DTWD2: variants seen among roughly 807,000 people sequenced by gnomAD.
DTWD2 encodes DTW motif tRNA-uridine aminocarboxypropyltransferase 2.
Under a neutral mutation model 31.8 loss-of-function variants are expected in DTWD2, and 39 were observed. The observed-to-expected ratio is 1.22, with a 90% confidence interval of 0.95 to 1.60. DTWD2 has a LOEUF of 1.60. DTWD2 is among the 40% of genes most tolerant of loss of function. The pLI, the probability that DTWD2 is intolerant of heterozygous loss-of-function variation, is 0.00. For synonymous variants in DTWD2, 180 were observed against 142.8 expected (o/e 1.26, Z -1.86); for missense variants, 515 against 381.5 (o/e 1.35, Z -2.92).
chr5:118,931,354 G>A (rs1307245801), intron 3 of DTWD2, among the ~76,000 whole-genome samples: 1 of 146,058 alleles, frequency 6.8e-6, no homozygotes, highest in African/African-American at 2.6e-5. Context: ...AACCATGATT[G>A]TGCCACTACA....
chr5:118,898,490 G>A (rs1420788706), intron 4 of DTWD2, among the ~76,000 whole-genome samples: 5 of 149,904 alleles, frequency 3.3e-5, no homozygotes, highest in African/African-American at 4.9e-5. Flanking sequence ...AAACCCCGTC[G>A]CTACTGAAAA....
rs767244482 is a variant in DTWD2, at chr5:118,988,512, G to A, written c.-1C>T. On this transcript the variant is annotated 5_prime_UTR_variant, in exon 1 of 6. Transcript: ENST00000510708. ...TTCGTGCCTCTTTCTGCGACTCCATGGCGGACACTCCGGTCAGGCCGTGGC... is the reference window on the plus strand; with the variant it reads ...TTCGTGCCTCTTTCTGCGACTCCATAGCGGACACTCCGGTCAGGCCGTGGC... The A allele has an allele frequency of 1.2e-5, 18 of 1,557,658 alleles. No individual in the cohort carries two copies. In the South Asian group the frequency reaches 1.5e-4, roughly 13 times the overall value.
rs115470197 is a variant in DTWD2 at position 118,868,440 on chromosome 5, C to A, written c.598-20222G>T. Among the ~76,000 whole-genome samples the A allele has an allele frequency of 6.5e-3, 983 of 152,088 alleles. 19 individuals carry two copies. The highest frequency in any genetic ancestry group is 0.022 in the African/African-American group (931 of 41,478). On this transcript the variant is annotated intron_variant, in intron 4 of 5. Transcript: ENST00000510708. ...TATACAACCTCAAATTTTAAAACTG[C>A]ATCAAAAAACACAATCAAGAAAGTG... is the stretch of plus-strand genomic sequence containing the variant.
intron 4 of DTWD2, among the ~76,000 whole-genome samples, chr5:118,894,742 T>A (rs944739449): frequency 6.6e-6 from 1 of 152,024 alleles, no homozygotes; most frequent in Non-Finnish European, 1.5e-5. Flanking sequence ...ACATAATACA[T>A]CACATTAACA....
chr5:118,898,656 C>A (rs1444916363), intron 4 of DTWD2, among the ~76,000 whole-genome samples: 23 of 109,658 alleles, frequency 2.1e-4, no homozygotes, highest in Admixed American at 5.0e-4. Flanking sequence ...GAGACTCCAT[C>A]TCAAAAAAAA....
intron 4 of DTWD2, among the ~76,000 whole-genome samples, chr5:118,901,249 T>C (rs113649868): frequency 6.6e-6 from 1 of 152,104 alleles, no homozygotes; most frequent in Admixed American, 6.5e-5. Flanking sequence ...ATATTCTAAA[T>C]AGTAAAAAAG....
chr5:118,885,629 G>T (rs1049782586), intron 4 of DTWD2, among the ~76,000 whole-genome samples: 1 of 151,762 alleles, frequency 6.6e-6, no homozygotes, highest in Non-Finnish European at 1.5e-5. Flanking sequence ...GCCAGGCGTG[G>T]TGGCATGCAC....
chr5:118,850,609 A>C (rs1476499083), intron 4 of DTWD2, among the ~76,000 whole-genome samples: 1 of 152,020 alleles, frequency 6.6e-6, no homozygotes, highest in Non-Finnish European at 1.5e-5. Context: ...AACCTTGGCA[A>C]AGAATTTATT....
chr5:118,935,425 T>TG (rs889444482), intron 3 of DTWD2, among the ~76,000 whole-genome samples: 18 of 152,320 alleles, frequency 1.2e-4, no homozygotes, highest in African/African-American at 4.1e-4. Context: ...GCCCTCATCC[T>TG]GTGGGATGTG....
chr5:118,866,960 T>G (rs930460748), intron 4 of DTWD2, among the ~76,000 whole-genome samples: 1 of 151,814 alleles, frequency 6.6e-6, no homozygotes, highest in Non-Finnish European at 1.5e-5. Context: ...AAATTCAATA[T>G]GATTTCAAAG....
chr5:118,851,944 G>T (rs1239558881), intron 4 of DTWD2, among the ~76,000 whole-genome samples: 1 of 152,068 alleles, frequency 6.6e-6, no homozygotes, highest in African/African-American at 2.4e-5. Context: ...AAGCCTGAGG[G>T]TACTGCAGGA....
chr5:118,986,804 A>G (rs911733202), intron 1 of DTWD2, among the ~76,000 whole-genome samples: 1 of 151,906 alleles, frequency 6.6e-6, no homozygotes, highest in Non-Finnish European at 1.5e-5. Flanking sequence ...AGAAATAAGC[A>G]AAGTGTAGAA....
chr5:118,892,050 C>T (rs537221357), intron 4 of DTWD2, among the ~76,000 whole-genome samples: 129 of 152,060 alleles, frequency 8.5e-4, no homozygotes, highest in African/African-American at 2.9e-3. Context: ...CCTAACAGAT[C>T]CAAAATAAAA....
At chr5:118,895,840 C>T (rs1466811220) in intron 4 of DTWD2, among the ~76,000 whole-genome samples, 1 of 152,094 alleles carries the variant, frequency 6.6e-6, no homozygotes, top group Non-Finnish European at 1.5e-5. Context: ...TTATATATCC[C>T]TATTTTTCAC....
At chr5:118,847,588 A>G (rs899239191) in intron 5 of DTWD2, among the ~76,000 whole-genome samples, 2 of 150,780 alleles carry the variant, frequency 1.3e-5, no homozygotes, top group African/African-American at 4.9e-5. Context: ...GCAGGTTATA[A>G]TACTTTCATA....
At chr5:118,863,764 A>C (rs1470321620) in intron 4 of DTWD2, among the ~76,000 whole-genome samples, 1 of 152,164 alleles carries the variant, frequency 6.6e-6, no homozygotes, top group African/African-American at 2.4e-5. Flanking sequence ...AAAGTACCTA[A>C]TAGGCCTTTA....
At chr5:118,949,559 T>A (rs927121163) in intron 1 of DTWD2, among the ~76,000 whole-genome samples, 6 of 152,202 alleles carry the variant, frequency 3.9e-5, no homozygotes, top group Non-Finnish European at 7.3e-5. Context: ...GGAGAGTTTA[T>A]ATGCTTTAGA....
intron 1 of DTWD2, among the ~76,000 whole-genome samples, chr5:118,975,737 T>C (rs1386443608): frequency 6.6e-6 from 1 of 152,104 alleles, no homozygotes; most frequent in Non-Finnish European, 1.5e-5. Flanking sequence ...TCCCACACAA[T>C]AACAGTGAGA....
chr5:118,840,126 G>A lies in DTWD2; in HGVS notation c.*791C>T, dbSNP rs369957116. On this transcript the variant is annotated 3_prime_UTR_variant, in exon 6 of 6. Coordinates refer to ENST00000510708, the MANE Select transcript of DTWD2 (RefSeq NM_173666.4). ...TCTCTCAAATGGAAAGTTTTTGCTC[G>A]TTAAAAAGGTTATATTAAATAGCCC... 73 of 152,188 alleles carry A rather than the reference G, an allele frequency of 4.8e-4. 1 individual carries two copies. In the East Asian group the frequency reaches 0.011, roughly 23 times the overall value. The allele number at this position is 152,188 out of a possible 1,614,324, so 9.4% of individuals were successfully genotyped here.
Sources: allele counts gnomAD v4.1 joint callset (sites outside exome capture counted in the v4.1 genomes callset), GRCh38; gene constraint gnomAD v4.1.1; transcripts MANE v1.5; gene names NCBI Gene and HGNC (gene_info 2026-07-23, HGNC 2026-07-21).